FLT1: variants seen among roughly 807,000 people sequenced by gnomAD.
FLT1 encodes the protein fms related receptor tyrosine kinase 1.
FLT1 carries 49 observed loss-of-function variants against 156.3 expected under a neutral mutation model. The observed-to-expected ratio is 0.31, with a 90% CI of 0.25 to 0.40. The LOEUF (loss-of-function observed/expected upper bound fraction) is 0.40, where lower values mean the gene tolerates loss of function less well. FLT1 is among the 10% of genes least tolerant of loss of function. FLT1 has a pLI of 1.00. For missense variants in FLT1, 1,322 were observed against 1,637.2 expected (o/e 0.81, Z 3.32); for synonymous variants, 594 against 583.8 (o/e 1.02, Z -0.25).
At chr13:28,368,400 C>T (rs1873386742) in intron 14 of FLT1, 2 of 1,314,206 alleles carry the variant, frequency 1.5e-6, no homozygotes, top group Non-Finnish European at 2.0e-6. Flanking sequence ...GATCCACCTG[C>T]CTTGGCCTCC....
rs79590260 is a variant in FLT1 at position 28,304,748 on chromosome 13, T to G, written c.3816-1380A>C. On this transcript the variant is annotated intron_variant, in intron 29 of 29. Coordinates refer to ENST00000282397, the MANE Select transcript of FLT1 (RefSeq NM_002019.4). The stretch of plus-strand genomic sequence containing the variant: ...CTGGTCTACTTTCTGTCTCTAGATT[T>G]ACCAATTCTGGGCATTTCATGTAAA... Among the ~76,000 whole-genome samples, 107 of 152,334 alleles carry G rather than the reference T, an allele frequency of 7.0e-4. 1 individual carries two copies. The East Asian group carries it at 0.019, about 28-fold the overall frequency.
At chr13:28,467,182 A>C in intron 2 of FLT1, 53 bp from the exon 3 acceptor site, 1 of 1,318,798 alleles carries the variant, frequency 7.6e-7, no homozygotes, top group East Asian at 2.3e-5. Flanking sequence ...CCCTAGGCTC[A>C]GCACCAGTTC....
chr13:28,430,989 CA>C, intron 7 of FLT1, 146 bp downstream of exon 7: 1 of 711,514 alleles, frequency 1.4e-6, no homozygotes, highest in Admixed American at 2.2e-5. Flanking sequence ...TGCTTTTTGA[CA>C]GGGGGAGGAG....
chr13:28,460,669 C>T (rs1879521112), intron 3 of FLT1, among the ~76,000 whole-genome samples: 1 of 138,380 alleles, frequency 7.2e-6, no homozygotes, highest in Non-Finnish European at 1.6e-5. Flanking sequence ...CCACCCCACC[C>T]CCCCAAAAAA....
intron 10 of FLT1, among the ~76,000 whole-genome samples, chr13:28,419,998 C>T (rs1876908891): frequency 6.6e-6 from 1 of 152,178 alleles, no homozygotes; most frequent in South Asian, 2.1e-4. Flanking sequence ...TCATTAGAAA[C>T]AATTATTCAT....
At chr13:28,458,145 C>T (rs1401508212) in intron 3 of FLT1, among the ~76,000 whole-genome samples, 1 of 152,078 alleles carries the variant, frequency 6.6e-6, no homozygotes, top group Non-Finnish European at 1.5e-5. Flanking sequence ...CCATGTCCGT[C>T]AGGCTGGTGA....
At chr13:28,394,760 T>C (rs1194628717) in intron 12 of FLT1, among the ~76,000 whole-genome samples, 2 of 152,184 alleles carry the variant, frequency 1.3e-5, no homozygotes, top group Non-Finnish European at 2.9e-5. Flanking sequence ...TGAGCATGCC[T>C]ACCGACAGCC....
intron 14 of FLT1, among the ~76,000 whole-genome samples, chr13:28,380,629 T>C (rs947289588): frequency 6.6e-5 from 10 of 152,110 alleles, no homozygotes; most frequent in Non-Finnish European, 1.0e-4. Context: ...ATGACCTGTT[T>C]TTAGATATTA....
intron 7 of FLT1, among the ~76,000 whole-genome samples, chr13:28,430,905 C>T (rs1877639501): frequency 6.6e-6 from 1 of 152,050 alleles, no homozygotes. Flanking sequence ...AATTATTAGC[C>T]ATAATAAGCA....
chr13:28,400,834 C>T (rs113915381), intron 11 of FLT1, among the ~76,000 whole-genome samples: 1 of 152,166 alleles, frequency 6.6e-6, no homozygotes, highest in Non-Finnish European at 1.5e-5. Context: ...TTAAGGATAT[C>T]TACTTGTATT....
At chr13:28,347,888 T>C (rs1322662254) in intron 15 of FLT1, among the ~76,000 whole-genome samples, 1 of 152,224 alleles carries the variant, frequency 6.6e-6, no homozygotes, top group Non-Finnish European at 1.5e-5. Context: ...TCACACAGCC[T>C]GCAAGTGGTG....
chr13:28,420,810 C>T (rs911718124), intron 10 of FLT1, among the ~76,000 whole-genome samples: 2 of 152,152 alleles, frequency 1.3e-5, no homozygotes, highest in Admixed American at 1.3e-4. Flanking sequence ...CCCACTGATG[C>T]GCCAAACTAT....
At chr13:28,378,071 T>C (rs944028132) in intron 14 of FLT1, among the ~76,000 whole-genome samples, 3 of 149,186 alleles carry the variant, frequency 2.0e-5, no homozygotes, top group Non-Finnish European at 4.5e-5. Flanking sequence ...TTTTTTTGAG[T>C]TGGAGTCTTG....
At position 28,322,541 on chromosome 13, in the gene FLT1, A is replaced by T; in HGVS notation, c.2954-182T>A. The T allele has an allele frequency of 5.5e-6, 4 of 722,466 alleles. No homozygotes were observed. Among genetic ancestry groups the T allele is most frequent in the Non-Finnish European group, 9.9e-6 (4 of 403,582 alleles). The allele number at this position is 722,466 out of a possible 1,614,324, so 44.8% of individuals were successfully genotyped here. ...TTTTTCCAGGCCTCCAGCCCACTTT[A>T]TCCAAGCATGGGGGCAGGGGGATGA... On this transcript the variant is annotated intron_variant, in intron 21 of 29. Transcript: ENST00000282397. The surrounding 1 kb of genome is among the most constrained non-coding windows in gnomAD (Gnocchi z 4.3).
chr13:28,396,789 T>A, intron 12 of FLT1, 171 bp downstream of exon 12: 1 of 699,286 alleles, frequency 1.4e-6, no homozygotes, highest in Non-Finnish European at 2.6e-6. Flanking sequence ...CCTTACGAGA[T>A]CCGATGAGGT....
intron 3 of FLT1, among the ~76,000 whole-genome samples, chr13:28,457,933 C>CTTTTTTTTTTTTTTTTT (rs894090277): frequency 1.4e-4 from 16 of 114,210 alleles, no homozygotes; most frequent in Admixed American, 3.0e-4. Context: ...CTTTCCTTTT[C>CTTTTTTTTTTTTTTTTT]TTTTTTTTTT....
At chr13:28,438,374 A>G (rs893337677) in intron 3 of FLT1, 29 bp from the exon 4 acceptor site, 13 of 1,575,500 alleles carry the variant, frequency 8.3e-6, no homozygotes, top group African/African-American at 1.3e-5. Context: ...AAAAAAATAT[A>G]TACATAAATG....
At chr13:28,384,483 G>T (rs546714887) in intron 14 of FLT1, among the ~76,000 whole-genome samples, 1 of 149,644 alleles carries the variant, frequency 6.7e-6, no homozygotes, top group African/African-American at 2.5e-5. Flanking sequence ...GAAAGAAAAC[G>T]AGATTATAAA....
At chr13:28,461,685 C>A (rs1461989400) in intron 3 of FLT1, among the ~76,000 whole-genome samples, 1 of 151,406 alleles carries the variant, frequency 6.6e-6, no homozygotes, top group Non-Finnish European at 1.5e-5. Flanking sequence ...TCTACTTGCT[C>A]AAGGTTTCAT....
Sources: gnomAD v4.1 joint callset for allele counts (sites outside exome capture counted in the v4.1 genomes callset) on GRCh38, gnomAD v4.1.1 for gene constraint, Gnocchi (gnomAD v3.1) non-coding constraint, MANE v1.5 for transcripts, NCBI Gene and HGNC (gene_info 2026-07-23, HGNC 2026-07-21) for gene names.